The following ELOVL6 variants were observed in gnomAD, a reference collection of about 807,000 sequenced individuals.
The protein encoded by ELOVL6 is very long chain fatty acid elongase 6.
In ELOVL6, 8 loss-of-function variants were observed where a neutral mutation model predicts 31.7. The observed-to-expected ratio is 0.25, with a 90% CI of 0.15 to 0.45. The LOEUF (loss-of-function observed/expected upper bound fraction) is 0.45. Ranked by LOEUF, ELOVL6 falls within the 20% of genes least tolerant of loss-of-function variation. The pLI, the probability that ELOVL6 is intolerant of heterozygous loss-of-function variation, is 1.00. For synonymous variants in ELOVL6, 101 were observed against 117.7 expected, an observed-to-expected ratio of 0.86 and a Z score of 0.92; for missense variants, 126 against 326.4, an observed-to-expected ratio of 0.39 and a Z score of 4.73.
intron 1 of ELOVL6, among the ~76,000 whole-genome samples, chr4:110,127,577 G>A (rs903435801): frequency 1.4e-5 from 1 of 70,864 alleles, no homozygotes; most frequent in African/African-American, 6.6e-5. Context: ...TAAGTTATGA[G>A]TTAGTTTTCC....
intron 1 of ELOVL6, among the ~76,000 whole-genome samples, chr4:110,172,218 A>G (rs976516938): frequency 6.6e-5 from 10 of 152,092 alleles, no homozygotes; most frequent in African/African-American, 2.4e-4. Context: ...ATAGTGTCAA[A>G]ATTGAACTGG....
intron 1 of ELOVL6, among the ~76,000 whole-genome samples, chr4:110,149,973 A>G (rs1328627073): frequency 6.6e-6 from 1 of 152,218 alleles, no homozygotes; most frequent in East Asian, 1.9e-4. Flanking sequence ...TACATCATGT[A>G]GTGAGAGTGA....
At chr4:110,128,440 T>C (rs1235310305) in intron 1 of ELOVL6, among the ~76,000 whole-genome samples, 1 of 152,190 alleles carries the variant, frequency 6.6e-6, no homozygotes, top group Non-Finnish European at 1.5e-5. Context: ...TATATAAAGA[T>C]CACTCACTGA....
In ELOVL6 at chr4:110,087,281, C is replaced by T. The variant is rs572326416; in HGVS notation, c.221+18216G>A. On this transcript the variant is annotated intron_variant, in intron 2 of 3. Coordinates refer to ENST00000302274, the MANE Select transcript of ELOVL6 (RefSeq NM_024090.3). Reference sequence around the variant, plus strand: ...AACCCTCAACTCTGTATTATTAGGCCGTCTAGAAGTAGATGAGTCTAATTT... The same window carrying T: ...AACCCTCAACTCTGTATTATTAGGCTGTCTAGAAGTAGATGAGTCTAATTT... Among the ~76,000 whole-genome samples the T allele has an allele frequency of 2.6e-5, 4 of 152,214 alleles. No individual in the cohort carries two copies. In the South Asian group the frequency reaches 6.2e-4, roughly 24 times the overall value.
At chr4:110,124,068 T>C (rs1578498645) in intron 1 of ELOVL6, among the ~76,000 whole-genome samples, 2 of 152,218 alleles carry the variant, frequency 1.3e-5, no homozygotes, top group African/African-American at 2.4e-5. Context: ...GATTAGAAGG[T>C]ACCACGGTAA....
intron 1 of ELOVL6, among the ~76,000 whole-genome samples, chr4:110,150,420 C>A (rs949063492): frequency 2.6e-5 from 4 of 151,964 alleles, no homozygotes; most frequent in African/African-American, 7.3e-5. Context: ...TAATAAATAC[C>A]CAAACATACT....
Position 110,140,834 on chromosome 4 carries a change from T to C in ELOVL6, c.90-35206A>G, listed in dbSNP as rs1002578314. Among the ~76,000 whole-genome samples, 3 of 151,966 alleles carry C rather than the reference T, an allele frequency of 2.0e-5. No individual in the cohort carries two copies. The East Asian group carries it at 5.8e-4, about 29-fold the overall frequency. ...TAAAAGTTTAGCAAAATCTAAATAA[T>C]ATTGTGCATATTCTTTTATTACTGT... On this transcript the variant is annotated intron_variant, in intron 1 of 3. Transcript: ENST00000302274.
intron 1 of ELOVL6, among the ~76,000 whole-genome samples, chr4:110,169,802 T>C (rs1434249485): frequency 4.0e-5 from 6 of 150,102 alleles, no homozygotes; most frequent in Non-Finnish European, 7.4e-5. Context: ...TTCTTTTCTT[T>C]CTTTCTTTTT....
chr4:110,150,461 A>T (rs1425718356), intron 1 of ELOVL6, among the ~76,000 whole-genome samples: 1 of 152,118 alleles, frequency 6.6e-6, no homozygotes, highest in East Asian at 1.9e-4. Flanking sequence ...ATGTTACTAC[A>T]ATTTTTTCTG....
At chr4:110,179,935 T>G (rs1009817176) in intron 1 of ELOVL6, among the ~76,000 whole-genome samples, 4 of 152,260 alleles carry the variant, frequency 2.6e-5, no homozygotes, top group African/African-American at 9.6e-5. Context: ...GTCATCAGCT[T>G]CACACTCCCT....
At chr4:110,189,363 G>A (rs925650163) in intron 1 of ELOVL6, among the ~76,000 whole-genome samples, 1 of 151,868 alleles carries the variant, frequency 6.6e-6, no homozygotes, top group South Asian at 2.1e-4. Context: ...GAGGTGGGCG[G>A]ATCACTTGAG....
chr4:110,072,097 T>C (rs1349187010), intron 2 of ELOVL6, among the ~76,000 whole-genome samples: 2 of 152,200 alleles, frequency 1.3e-5, no homozygotes, highest in Non-Finnish European at 2.9e-5. Context: ...GTCAACTTGC[T>C]GGAGCACCTA....
chr4:110,187,034 T>C (rs1468026217), intron 1 of ELOVL6, among the ~76,000 whole-genome samples: 2 of 151,210 alleles, frequency 1.3e-5, no homozygotes, highest in East Asian at 3.9e-4. Context: ...ATAGTTATTA[T>C]AATTAGCCAA....
At chr4:110,177,750 G>T (rs911134537) in intron 1 of ELOVL6, among the ~76,000 whole-genome samples, 1 of 152,092 alleles carries the variant, frequency 6.6e-6, no homozygotes, top group Admixed American at 6.5e-5. Context: ...TCCAATCAAA[G>T]TTATTGTTAT....
At chr4:110,127,317 G>A (rs768170626) in intron 1 of ELOVL6, among the ~76,000 whole-genome samples, 8 of 143,524 alleles carry the variant, frequency 5.6e-5, no homozygotes, top group East Asian at 2.3e-4. Context: ...TGAGGCAGGA[G>A]AATCACTTGA....
At chr4:110,182,908 C>CA (rs537639856) in intron 1 of ELOVL6, among the ~76,000 whole-genome samples, 103 of 142,322 alleles carry the variant, frequency 7.2e-4, no homozygotes, top group South Asian at 4.0e-3. Context: ...AACTCCGTCT[C>CA]AAAAAAAAAA....
At chr4:110,179,462 C>T (rs550893774) in intron 1 of ELOVL6, among the ~76,000 whole-genome samples, 4 of 152,214 alleles carry the variant, frequency 2.6e-5, no homozygotes, top group East Asian at 1.9e-4. Context: ...GCCGAAATTA[C>T]GCCACTGCAC....
intron 1 of ELOVL6, among the ~76,000 whole-genome samples, chr4:110,175,256 G>A (rs1413316998): frequency 7.2e-5 from 11 of 151,976 alleles, no homozygotes; most frequent in South Asian, 2.1e-4. Flanking sequence ...GGTGGTGCAC[G>A]CTTATAATCC....
intron 2 of ELOVL6, among the ~76,000 whole-genome samples, chr4:110,101,879 T>C (rs1437954182): frequency 6.6e-6 from 1 of 152,194 alleles, no homozygotes; most frequent in African/African-American, 2.4e-5. Context: ...TTTGTCATGT[T>C]GCCCAGGCTG....
Sources: allele counts gnomAD v4.1 joint callset (sites outside exome capture counted in the v4.1 genomes callset), GRCh38; gene constraint gnomAD v4.1.1; transcripts MANE v1.5; gene names NCBI Gene and HGNC (gene_info 2026-07-23, HGNC 2026-07-21).